Variants in NLRP11 observed in about 807,000 individuals in gnomAD.
The protein encoded by NLRP11 is NLR family pyrin domain containing 11, also known as NACHT, LRR and PYD domains-containing protein 11.
Under a neutral mutation model 79.3 loss-of-function variants are expected in NLRP11, and 53 were observed. The observed-to-expected ratio is 0.67, with a 90% CI of 0.54 to 0.84. The LOEUF (loss-of-function observed/expected upper bound fraction) is 0.84. Among genes scored for constraint, NLRP11 ranks in the 40% least tolerant of loss-of-function variants. The pLI, the probability that NLRP11 is intolerant of heterozygous loss-of-function variation, is 0.00. For missense variants in NLRP11, 1,264 were observed against 1,255.0 expected, an observed-to-expected ratio of 1.01 and a Z score of -0.11; for synonymous variants, 518 against 462.6, an observed-to-expected ratio of 1.12 and a Z score of -1.54.
At chr19:55,816,459 A>G (rs1295851179) in intron 2 of NLRP11, among the ~76,000 whole-genome samples, 2 of 152,194 alleles carry the variant, frequency 1.3e-5, no homozygotes, top group Non-Finnish European at 2.9e-5. Context: ...TGTGGTATTC[A>G]TGATCTTGGT....
intron 1 of NLRP11, among the ~76,000 whole-genome samples, chr19:55,819,188 CAG>C (rs1568641680): frequency 1.4e-5 from 2 of 138,704 alleles, no homozygotes; most frequent in East Asian, 2.1e-4. Context: ...CACACACACA[CAG>C]GTTGCCTCTT....
intron 2 of NLRP11, among the ~76,000 whole-genome samples, chr19:55,812,969 A>G (rs1457116004): frequency 6.6e-6 from 1 of 152,098 alleles, no homozygotes; most frequent in Non-Finnish European, 1.5e-5. Context: ...TAAACTTTCC[A>G]CCAGTTCAGG....
intron 9 of NLRP11, among the ~76,000 whole-genome samples, chr19:55,786,805 T>C (rs370235709): frequency 1.3e-5 from 2 of 152,108 alleles, no homozygotes; most frequent in Non-Finnish European, 2.9e-5. Flanking sequence ...ATAGAATAAA[T>C]ACATTATACA....
At chr19:55,796,832 G>A (rs1482480128) in intron 5 of NLRP11, among the ~76,000 whole-genome samples, 4 of 152,158 alleles carry the variant, frequency 2.6e-5, no homozygotes, top group Admixed American at 2.6e-4. Flanking sequence ...GGGATTACAG[G>A]CATGCGTTAC....
In NLRP11 at chr19:55,817,910, G is replaced by A. The variant is rs751156777; in HGVS notation, c.265C>T (p.Arg89Ter). 1.0e-5 allele frequency: 16 copies of A among 1,599,700 alleles called. No individual in the cohort carries two copies. Among genetic ancestry groups the A allele is most frequent in the Admixed American group, 5.1e-5 (3 of 59,352 alleles). ...TTCTCGTGACCCCACTCACGGTTTC[G>A]TCTGCCAATGATCTTCCTACAAAGA... is the stretch of plus-strand genomic sequence containing the variant. Residue 89 changes from arginine to a stop codon, truncating the protein, a stop_gained, in exon 2 of 10, where the codon CGA becomes TGA. Coordinates refer to ENST00000589093, the Ensembl canonical transcript of NLRP11. LOFTEE classifies it high-confidence loss of function.
chr19:55,801,625 A>T (rs780805614), exon 5 of NLRP11: 1 of 1,614,168 alleles, frequency 6.2e-7, no homozygotes, highest in Admixed American at 1.7e-5. Flanking sequence ...GCAGAAGTGA[A>T]AACATATTTA....
chr19:55,798,682 C>G (rs763596866), intron 5 of NLRP11, among the ~76,000 whole-genome samples: 33 of 152,094 alleles, frequency 2.2e-4, no homozygotes, highest in African/African-American at 6.0e-4. Flanking sequence ...AGAGTTAAGT[C>G]TACCCTTGTA....
chr19:55,792,004 C>G (rs1243114812), intron 7 of NLRP11, among the ~76,000 whole-genome samples: 1 of 150,170 alleles, frequency 6.7e-6, no homozygotes, highest in African/African-American at 2.4e-5. Context: ...GGTCCCTTCT[C>G]CTGTGGCATT....
chr19:55,796,941 G>T (rs938723329), intron 5 of NLRP11, among the ~76,000 whole-genome samples: 1 of 151,948 alleles, frequency 6.6e-6, no homozygotes. Flanking sequence ...CACCCGCCTC[G>T]GCCTCCCAAA....
intron 6 of NLRP11, among the ~76,000 whole-genome samples, chr19:55,793,902 A>G (rs1978543299): frequency 6.6e-6 from 1 of 152,192 alleles, no homozygotes. Context: ...CCTCGTAGAA[A>G]CCAGCACTAT....
At chr19:55,806,999 C>T (rs1980062265) in intron 4 of NLRP11, among the ~76,000 whole-genome samples, 1 of 152,176 alleles carries the variant, frequency 6.6e-6, no homozygotes, top group Non-Finnish European at 1.5e-5. Flanking sequence ...CCCACTTATG[C>T]ACCCTGACCT....
intron 1 of NLRP11, among the ~76,000 whole-genome samples, chr19:55,818,459 A>G (rs1981359679): frequency 6.6e-6 from 1 of 152,232 alleles, no homozygotes; most frequent in African/African-American, 2.4e-5. Flanking sequence ...AAAAGGCAAC[A>G]TTCTTATGGT....
chr19:55,788,059 C>T (rs144787390), intron 9 of NLRP11, among the ~76,000 whole-genome samples: 1 of 152,140 alleles, frequency 6.6e-6, no homozygotes, highest in Non-Finnish European at 1.5e-5. Flanking sequence ...GATAGTGTGT[C>T]ATTGAATCCA....
chr19:55,804,484 T>C (rs1979792524), intron 4 of NLRP11, among the ~76,000 whole-genome samples: 1 of 151,956 alleles, frequency 6.6e-6, no homozygotes, highest in Non-Finnish European at 1.5e-5. Context: ...TGGAGGCCAT[T>C]ATCCTTAGCA....
chr19:55,789,438 G>C, intron 7 of NLRP11, 39 bp from the exon 8 acceptor site: 1 of 1,563,920 alleles, frequency 6.4e-7, no homozygotes, highest in Non-Finnish European at 8.7e-7. Context: ...ATGACCACCT[G>C]TCTCCAAAGA....
intron 4 of NLRP11, among the ~76,000 whole-genome samples, chr19:55,802,042 A>C (rs952454218): frequency 6.6e-6 from 1 of 152,160 alleles, no homozygotes; most frequent in African/African-American, 2.4e-5. Context: ...ATTAAGATAC[A>C]TCCACATGCA....
intron 5 of NLRP11, among the ~76,000 whole-genome samples, chr19:55,798,735 A>AAC (rs141517744): frequency 0.48 from 72,309 of 150,292 alleles, 20,205 homozygotes; most frequent in South Asian, 0.69. Flanking sequence ...TTTTGCTTCA[A>AAC]ACACACACAC....
At chr19:55,807,260 T>C (rs1290950976) in intron 4 of NLRP11, among the ~76,000 whole-genome samples, 2 of 152,198 alleles carry the variant, frequency 1.3e-5, no homozygotes, top group African/African-American at 2.4e-5. Flanking sequence ...CTGAATATTT[T>C]AGTGCCATTT....
intron 5 of NLRP11, among the ~76,000 whole-genome samples, chr19:55,798,062 T>C (rs576219705): frequency 1.4e-4 from 21 of 150,572 alleles, no homozygotes; most frequent in African/African-American, 5.1e-4. Flanking sequence ...TGCAATGGTG[T>C]GATCTCGGCT....
Sources: allele counts gnomAD v4.1 joint callset (sites outside exome capture counted in the v4.1 genomes callset), GRCh38; gene constraint gnomAD v4.1.1; transcripts MANE v1.5; gene names NCBI Gene and HGNC (gene_info 2026-07-23, HGNC 2026-07-21).